The following LTBP2 variants were observed in gnomAD, a reference collection of about 807,000 sequenced individuals.
LTBP2 encodes latent transforming growth factor beta binding protein 2, also known as latent-transforming growth factor beta-binding protein 2.
LTBP2 carries 103 observed loss-of-function variants against 210.6 expected under a neutral mutation model. The ratio of observed to expected loss-of-function variants is 0.49; its 90% confidence interval spans 0.42 to 0.58. LTBP2 has a LOEUF of 0.58. Among genes scored for constraint, LTBP2 ranks in the 20% least tolerant of loss-of-function variants. LTBP2 has a pLI of 0.00. For missense variants in LTBP2, 2,313 were observed against 2,494.5 expected (o/e 0.93, Z 1.55); for synonymous variants, 1,007 against 1,015.0 (o/e 0.99, Z 0.15).
intron 8 of LTBP2, among the ~76,000 whole-genome samples, chr14:74,539,691 GGGAGAC>G (rs879389159): frequency 8.5e-4 from 129 of 152,172 alleles, no homozygotes; most frequent in Non-Finnish European, 1.4e-3. Context: ...GGGCAACAGA[GGGAGAC>G]GGAGACGGAG....
chr14:74,520,243 T>A (rs1021568326), intron 17 of LTBP2, among the ~76,000 whole-genome samples: 1 of 152,210 alleles, frequency 6.6e-6, no homozygotes, highest in South Asian at 2.1e-4. Flanking sequence ...TCACGCTCCA[T>A]TCCTATTCAT....
At chr14:74,509,692 C>G in intron 21 of LTBP2, 42 bp downstream of exon 21, 1 of 1,613,434 alleles carries the variant, frequency 6.2e-7, no homozygotes, top group African/African-American at 1.3e-5. Context: ...GGTAAGACAG[C>G]CTATATTCTG....
chr14:74,582,560 G>A (rs753836377), intron 3 of LTBP2, among the ~76,000 whole-genome samples: 5 of 152,098 alleles, frequency 3.3e-5, no homozygotes, highest in Non-Finnish European at 5.9e-5. Flanking sequence ...CACACTAAGT[G>A]TTCTACTCAC....
intron 3 of LTBP2, among the ~76,000 whole-genome samples, chr14:74,566,304 G>A (rs1360161078): frequency 6.6e-6 from 1 of 152,212 alleles, no homozygotes; most frequent in Admixed American, 6.5e-5. Flanking sequence ...AGAGGGAGAG[G>A]CTCTGAAGGC....
intron 4 of LTBP2, among the ~76,000 whole-genome samples, chr14:74,553,676 G>C (rs1016372804): frequency 6.6e-6 from 1 of 151,956 alleles, no homozygotes; most frequent in Non-Finnish European, 1.5e-5. Context: ...TTGATGTGCT[G>C]GGGGGTCCGG....
intron 8 of LTBP2, among the ~76,000 whole-genome samples, chr14:74,540,847 A>ATAATATATATAT (rs2087492387): frequency 2.4e-4 from 4 of 16,970 alleles, no homozygotes; most frequent in Admixed American, 1.1e-3. Context: ...ATTTATATAT[A>ATAATATATATAT]TTATATATAT....
At chr14:74,529,418 C>A (rs550104896) in intron 10 of LTBP2, among the ~76,000 whole-genome samples, 4 of 152,328 alleles carry the variant, frequency 2.6e-5, no homozygotes, top group African/African-American at 7.2e-5. Context: ...GTCTCCAGTG[C>A]CGAGTTTAGA....
At chr14:74,559,396 C>T (rs1263116824) in intron 3 of LTBP2, among the ~76,000 whole-genome samples, 1 of 152,132 alleles carries the variant, frequency 6.6e-6, no homozygotes, top group South Asian at 2.1e-4. Context: ...AGAGGCTCGT[C>T]GTGGAGTAAA....
rs779772793 is a variant in LTBP2, at chr14:74,551,204, G to A, written c.1546C>T (p.Pro516Ser). Reference protein sequence around the residue: ...SVETRPPPWLPASPGHSLWDS... With the variant: ...SVETRPPPWLSASPGHSLWDS... ...CAGAGGCTGTGGCCAGGGCTGGCAG[G>A]CAGCCAGGGCGGGGGTCTGGTCTCC... is the stretch of plus-strand genomic sequence containing the variant. The change falls in exon 7 of 36, where the codon CCT (proline) becomes TCT (serine). Residue 516 changes from proline to serine, a missense_variant. Physicochemically the swap from Pro to Ser is moderately conservative, Grantham distance 74. Transcript: ENST00000261978. The A allele has an allele frequency of 6.2e-6, 10 of 1,613,580 alleles. No individual in the cohort carries two copies. The highest frequency in any genetic ancestry group is 7.6e-6 in the Non-Finnish European group (9 of 1,179,974).
intron 10 of LTBP2, among the ~76,000 whole-genome samples, chr14:74,529,545 C>G (rs951170793): frequency 6.6e-6 from 1 of 152,172 alleles, no homozygotes; most frequent in Non-Finnish European, 1.5e-5. Flanking sequence ...GGATGGGGAG[C>G]TCGGAGGACA....
chr14:74,579,758 A>G (rs778104392), intron 3 of LTBP2, among the ~76,000 whole-genome samples: 10 of 152,210 alleles, frequency 6.6e-5, no homozygotes, highest in Non-Finnish European at 1.5e-4. Context: ...TGCTGGAAAT[A>G]CCAGGCTGGG....
intron 8 of LTBP2, among the ~76,000 whole-genome samples, chr14:74,537,794 G>C (rs530942117): frequency 3.0e-4 from 46 of 151,878 alleles, no homozygotes; most frequent in Non-Finnish European, 6.6e-4. Context: ...TTGCTCTGTC[G>C]CACAGGCTGG....
chr14:74,601,695 G>A (rs926281203), intron 2 of LTBP2, among the ~76,000 whole-genome samples: 5 of 152,186 alleles, frequency 3.3e-5, no homozygotes, highest in South Asian at 2.1e-4. Context: ...CTCCAGACTC[G>A]CGGGAATGGG....
At chr14:74,540,992 A>G (rs2087501263) in intron 8 of LTBP2, among the ~76,000 whole-genome samples, 1 of 144,740 alleles carries the variant, frequency 6.9e-6, no homozygotes, top group African/African-American at 2.6e-5. Flanking sequence ...CTTGGGAGAA[A>G]GTGGAAGTTT....
chr14:74,591,476 T>A (rs2088282475), intron 2 of LTBP2, among the ~76,000 whole-genome samples: 1 of 152,226 alleles, frequency 6.6e-6, no homozygotes, highest in South Asian at 2.1e-4. Context: ...ATTAACCATG[T>A]AGGATGCTGT....
chr14:74,517,048 G>T (rs1001026481), intron 17 of LTBP2, 107 bp from the exon 18 acceptor site: 3 of 1,422,394 alleles, frequency 2.1e-6, no homozygotes, highest in Non-Finnish European at 2.9e-6. Context: ...AGGATGCCAT[G>T]CTGAGGCCTG....
intron 4 of LTBP2, 99 bp downstream of exon 4, chr14:74,555,404 C>T (rs1051733705): frequency 8.1e-7 from 1 of 1,232,044 alleles, no homozygotes; most frequent in East Asian, 2.3e-5. Flanking sequence ...GACAAGGTGA[C>T]AACTCAGCCC....
rs529121096 is a variant in LTBP2 at position 74,511,268 on chromosome 14, C to T, written c.3005G>A (p.Arg1002Gln). ...ACCTACACAGCTCCCACTCTGGCCC[C>T]GGTAGCCCTCCTCACAGGCCAGACA... is the stretch of plus-strand genomic sequence containing the variant. ...YTCLACEEGY[R>Q]GQSGSCVDVN... is the part of the protein sequence containing the mutation. Residue 1002 changes from arginine (R) to glutamine (Q), a missense_variant, in exon 19 of 36, where the codon CGG becomes CAG. Coordinates refer to ENST00000261978, the MANE Select transcript of LTBP2 (RefSeq NM_000428.3). 3.0e-5 allele frequency: 49 copies of T among 1,613,850 alleles called. No individual in the cohort carries two copies. The highest frequency in any genetic ancestry group is 1.5e-4 in the South Asian group (14 of 91,084).
chr14:74,506,891 G>T, intron 26 of LTBP2, 68 bp from the exon 27 acceptor site: 1 of 1,458,846 alleles, frequency 6.9e-7, no homozygotes, highest in Non-Finnish European at 9.5e-7. Flanking sequence ...GCGCGCGCGT[G>T]TGTGCTCACT....
Sources: allele counts gnomAD v4.1 joint callset (sites outside exome capture counted in the v4.1 genomes callset), GRCh38; gene constraint gnomAD v4.1.1; transcripts MANE v1.5; gene names NCBI Gene and HGNC (gene_info 2026-07-23, HGNC 2026-07-21).